The following GAB3 variants were observed in gnomAD, a reference collection of about 807,000 sequenced individuals.
The protein encoded by GAB3 is GRB2-associated-binding protein 3.
Under a neutral mutation model 40.4 loss-of-function variants are expected in GAB3, and 12 were observed. That is an observed-to-expected ratio of 0.30 (90% CI 0.19 to 0.48). The LOEUF is 0.48. GAB3 is among the 20% of genes least tolerant of loss of function. The pLI is 0.99. For missense variants in GAB3, 381 were observed against 461.9 expected, an observed-to-expected ratio of 0.82 and a Z score of 1.61; for synonymous variants, 154 against 176.7, an observed-to-expected ratio of 0.87 and a Z score of 1.02.
At position 154,695,948 on chromosome X, in the gene GAB3, G is replaced by A. The variant is rs782602979; in HGVS notation, c.1499C>T (p.Ser500Phe). ...GATGTAGCTTTCTTCGTCTTCTCTG[G>A]AAACAGGATTAGCAAAAAATCTTGC... Reference protein sequence around the residue: ...NSARFFANPVSREDEESYIEM... With the variant: ...NSARFFANPVFREDEESYIEM... Residue 500 changes from serine (S) to phenylalanine (F), a missense_variant, in exon 8 of 10, where the codon TCC becomes TTC. Ser to Phe is a radical substitution (Grantham distance 155). Coordinates refer to ENST00000424127, the MANE Select transcript of GAB3 (RefSeq NM_001081573.3). 2.8e-5 allele frequency: 33 copies of A among 1,192,628 alleles called. No individual in the cohort carries two copies. The South Asian group carries it at 5.4e-4, about 19-fold the overall frequency.
chrX:154,727,479 T>C (rs1405166913), intron 1 of GAB3, among the ~76,000 whole-genome samples: 1 of 113,058 alleles, frequency 8.8e-6, no homozygotes, highest in Non-Finnish European at 1.9e-5. Context: ...TCTTGATCAC[T>C]GTTTTATCCT....
intron 1 of GAB3, among the ~76,000 whole-genome samples, chrX:154,729,788 C>T (rs190610455): frequency 8.9e-6 from 1 of 111,927 alleles, no homozygotes; most frequent in East Asian, 2.8e-4. Flanking sequence ...CCTAACTTTC[C>T]AGAAAAAGAA....
intron 1 of GAB3, among the ~76,000 whole-genome samples, chrX:154,749,328 A>G (rs1467205178): frequency 2.7e-5 from 3 of 113,030 alleles, no homozygotes; most frequent in African/African-American, 9.6e-5. Flanking sequence ...TTTGCCCTCC[A>G]GGGGCATCTT....
In GAB3 at chrX:154,676,324, C is replaced by T. The variant is rs1198162713; in HGVS notation, c.*1854G>A. 9 of 111,443 alleles carry T rather than the reference C, an allele frequency of 8.1e-5. No homozygotes were observed. Among genetic ancestry groups the T allele is most frequent in the Admixed American group, 7.6e-4 (8 of 10,525 alleles). The allele number at this position is 111,443 out of a possible 1,213,427, so 9.2% of individuals were successfully genotyped here. A position where few individuals can be genotyped will look rare whatever the true frequency, so the allele number is the denominator to read the frequency against. Reference sequence around the variant, plus strand: ...GTGATCCTAACACAAGTGCTCCACACGAGGGAACTACCCTCCATGGGAACT... The same window carrying T: ...GTGATCCTAACACAAGTGCTCCACATGAGGGAACTACCCTCCATGGGAACT... On this transcript the variant is annotated 3_prime_UTR_variant, in exon 10 of 10. Coordinates refer to ENST00000424127, the MANE Select transcript of GAB3 (RefSeq NM_001081573.3).
intron 8 of GAB3, among the ~76,000 whole-genome samples, chrX:154,684,283 T>C (rs2070416761): frequency 8.9e-6 from 1 of 112,109 alleles, no homozygotes; most frequent in Non-Finnish European, 1.9e-5. Context: ...TATCTCTTCT[T>C]TTTGGTCGAA....
At chrX:154,689,657 C>G (rs1463758900) in intron 8 of GAB3, among the ~76,000 whole-genome samples, 1 of 111,036 alleles carries the variant, frequency 9.0e-6, no homozygotes, top group African/African-American at 3.3e-5. Context: ...GAGTGAACTC[C>G]CATTCACAAC....
At chrX:154,718,340 G>A (rs782152552) in intron 1 of GAB3, among the ~76,000 whole-genome samples, 1 of 108,913 alleles carries the variant, frequency 9.2e-6, no homozygotes, top group Non-Finnish European at 1.9e-5. Flanking sequence ...GTTGGGGCAG[G>A]TGAACCCTGG....
At chrX:154,709,832 T>C (rs1309533555) in intron 4 of GAB3, among the ~76,000 whole-genome samples, 1 of 111,636 alleles carries the variant, frequency 9.0e-6, no homozygotes, top group African/African-American at 3.3e-5. Context: ...TTCAGTGAAA[T>C]GAGCTGGGCA....
intron 4 of GAB3, among the ~76,000 whole-genome samples, chrX:154,711,333 G>A (rs2070941716): frequency 8.9e-6 from 1 of 111,810 alleles, no homozygotes; most frequent in African/African-American, 3.3e-5. Flanking sequence ...ACTGATGTAA[G>A]AAAGAAGAGC....
intron 8 of GAB3, among the ~76,000 whole-genome samples, chrX:154,693,988 C>G (rs1557249988): frequency 1.8e-5 from 2 of 110,794 alleles, no homozygotes; most frequent in Non-Finnish European, 3.8e-5. Flanking sequence ...CGTGTTTCAG[C>G]CCCTGGCCTT....
intron 4 of GAB3, among the ~76,000 whole-genome samples, chrX:154,710,490 CTCACATACATGGGCACT>C (rs1569557751): frequency 8.9e-6 from 1 of 111,814 alleles, no homozygotes; most frequent in African/African-American, 3.3e-5. Flanking sequence ...AACTCAGACC[CTCACATACATGGGCACT>C]TCATCTATGG....
intron 1 of GAB3, among the ~76,000 whole-genome samples, chrX:154,736,941 C>T (rs57206439): frequency 0.05 from 5,560 of 112,157 alleles, 344 homozygotes; most frequent in African/African-American, 0.17. Context: ...CTTTCTTTAT[C>T]AGGCCTGGGT....
At chrX:154,683,009 G>T (rs782112041) in intron 8 of GAB3, among the ~76,000 whole-genome samples, 2 of 112,137 alleles carry the variant, frequency 1.8e-5, no homozygotes, top group South Asian at 7.4e-4. Context: ...TAAATAAAAA[G>T]ACTTTTCCTT....
chrX:154,749,509 A>G (rs2071579863), intron 1 of GAB3, among the ~76,000 whole-genome samples: 1 of 112,398 alleles, frequency 8.9e-6, no homozygotes, highest in Non-Finnish European at 1.9e-5. Flanking sequence ...TCCTTTGAGT[A>G]GCTTCACAGT....
intron 8 of GAB3, among the ~76,000 whole-genome samples, chrX:154,689,947 C>A (rs1207233515): frequency 5.5e-5 from 6 of 108,640 alleles, no homozygotes; most frequent in African/African-American, 1.6e-4. Context: ...AAAAAAGAGC[C>A]TGCATCGCCA....
intron 8 of GAB3, among the ~76,000 whole-genome samples, chrX:154,694,389 CTGTT>C (rs2070619271): frequency 9.3e-6 from 1 of 107,442 alleles, no homozygotes; most frequent in Admixed American, 9.9e-5. Context: ...TGATCTTTCT[CTGTT>C]TTTTTTTTTT....
In GAB3 at chrX:154,713,194, G is replaced by C. The variant is rs1448241729; in HGVS notation, c.596+13C>G. ...CAGGCCCAGCTCAGACAGAGTCCTG[G>C]GCATAAGCATACCTGGTATGGTGCA... On this transcript the variant is annotated intron_variant, in intron 3 of 9. Coordinates refer to ENST00000424127, the MANE Select transcript of GAB3 (RefSeq NM_001081573.3). 2 of 1,185,221 alleles carry C rather than the reference G, an allele frequency of 1.7e-6. No homozygotes were observed. Among genetic ancestry groups the C allele is most frequent in the African/African-American group, 3.5e-5 (2 of 56,607 alleles).
chrX:154,679,387 T>C, intron 9 of GAB3: 1 of 242,847 alleles, frequency 4.1e-6, no homozygotes, highest in Non-Finnish European at 8.0e-6. Context: ...ATTTGGGGGT[T>C]GTTTGTCTAC....
chrX:154,739,489 C>G, intron 1 of GAB3, among the ~76,000 whole-genome samples: 1 of 112,046 alleles, frequency 8.9e-6, no homozygotes. Flanking sequence ...AAGATGAACT[C>G]TGGCCACTGA....
Sources: allele counts gnomAD v4.1 joint callset (sites outside exome capture counted in the v4.1 genomes callset), GRCh38; gene constraint gnomAD v4.1.1; transcripts MANE v1.5; gene names NCBI Gene and HGNC (gene_info 2026-07-23, HGNC 2026-07-21).